The following ARK2C variants were observed in gnomAD, a reference collection of about 807,000 sequenced individuals.
ARK2C encodes the protein E3 ubiquitin-protein ligase ARK2C.
At chr18:46,444,093 G>A in the ARK2C span, among the ~76,000 whole-genome samples, 1 of 150,870 alleles carries the variant, frequency 6.6e-6, no homozygotes, top group South Asian at 2.1e-4. Context: ...CTTCTGGCTT[G>A]CTTTGTTGTT....
chr18:46,399,228 C>T, the ARK2C span, among the ~76,000 whole-genome samples: 10 of 152,266 alleles, frequency 6.6e-5, no homozygotes, highest in East Asian at 1.9e-4. Context: ...GTCACACAGG[C>T]GGTGGGGGTG....
chr18:46,334,254 GCCGC>G, the ARK2C span: 2 of 1,470,478 alleles, frequency 1.4e-6, no homozygotes, highest in Non-Finnish European at 9.0e-7. This position sits in a 1 kb window ranked among gnomAD's most constrained non-coding sequence, Gnocchi z 4.4. Context: ...CGCCGCCGCC[GCCGC>G]CGCGCGAGGA....
At chr18:46,348,630 T>A in the ARK2C span, among the ~76,000 whole-genome samples, 3 of 152,194 alleles carry the variant, frequency 2.0e-5, no homozygotes, top group African/African-American at 7.2e-5. Context: ...GGGGTGGGAC[T>A]GATCCTTGAA....
At chr18:46,355,624 T>A in the ARK2C span, among the ~76,000 whole-genome samples, 1 of 152,234 alleles carries the variant, frequency 6.6e-6, no homozygotes, top group African/African-American at 2.4e-5. Flanking sequence ...CCTCCAGGAA[T>A]GCTGGCCTCT....
At chr18:46,407,897 C>G in the ARK2C span, among the ~76,000 whole-genome samples, 4 of 152,204 alleles carry the variant, frequency 2.6e-5, no homozygotes, top group African/African-American at 9.7e-5. Flanking sequence ...TACTGAGAAG[C>G]ACAGAGATTG....
At chr18:46,378,149 A>C in the ARK2C span, among the ~76,000 whole-genome samples, 1 of 152,208 alleles carries the variant, frequency 6.6e-6, no homozygotes, top group South Asian at 2.1e-4. Context: ...TTAATGCTCC[A>C]AGGTACGTCC....
the ARK2C span, among the ~76,000 whole-genome samples, chr18:46,365,605 G>A: frequency 6.6e-6 from 1 of 152,190 alleles, no homozygotes. Flanking sequence ...CTGGTTTCAG[G>A]CGATTCTCAT....
chr18:46,444,638 A>ATTTTT, the ARK2C span, among the ~76,000 whole-genome samples: 1 of 139,222 alleles, frequency 7.2e-6, no homozygotes, highest in African/African-American at 2.6e-5. Flanking sequence ...TAATTTAAAC[A>ATTTTT]TTTTTTTTTT....
the ARK2C span, among the ~76,000 whole-genome samples, chr18:46,448,031 C>T: frequency 6.6e-6 from 1 of 150,818 alleles, no homozygotes; most frequent in African/African-American, 2.4e-5. Flanking sequence ...TCCATATGAC[C>T]TAGCTCCCCT....
At chr18:46,433,492 G>A in the ARK2C span, 1 of 1,607,860 alleles carries the variant, frequency 6.2e-7, no homozygotes, top group Non-Finnish European at 8.5e-7. Context: ...CCGCAGGCTG[G>A]TCTCGCACCC....
chr18:46,363,999 G>A, the ARK2C span, among the ~76,000 whole-genome samples: 1 of 142,630 alleles, frequency 7.0e-6, no homozygotes, highest in Non-Finnish European at 1.5e-5. Context: ...CCAGGCTAGA[G>A]TGCAGTGGTG....
At chr18:46,380,913 A>G in the ARK2C span, among the ~76,000 whole-genome samples, 1 of 152,204 alleles carries the variant, frequency 6.6e-6, no homozygotes, top group Non-Finnish European at 1.5e-5. Flanking sequence ...GGACAGAGGA[A>G]GGCTACACAG....
chr18:46,419,575 C>T, the ARK2C span, among the ~76,000 whole-genome samples: 24 of 152,174 alleles, frequency 1.6e-4, no homozygotes, highest in Admixed American at 3.9e-4. Flanking sequence ...CTGGAGTGAC[C>T]GGGTCAAAGG....
At chr18:46,368,398 G>C in the ARK2C span, among the ~76,000 whole-genome samples, 1 of 152,116 alleles carries the variant, frequency 6.6e-6, no homozygotes, top group South Asian at 2.1e-4. Context: ...GAACCACTGG[G>C]TGGGAAACGA....
the ARK2C span, among the ~76,000 whole-genome samples, chr18:46,427,166 G>C: frequency 6.3e-3 from 956 of 152,352 alleles, 24 homozygotes; most frequent in Admixed American, 0.056. Context: ...ATGGTGGAGG[G>C]AAGAAGCACA....
chr18:46,429,128 T>C, the ARK2C span, among the ~76,000 whole-genome samples: 1 of 152,206 alleles, frequency 6.6e-6, no homozygotes, highest in Non-Finnish European at 1.5e-5. Flanking sequence ...CCAGAATCTA[T>C]AAGGCAGAGA....
the ARK2C span, chr18:46,447,609 C>T: frequency 9.3e-6 from 15 of 1,613,918 alleles, no homozygotes; most frequent in East Asian, 2.2e-5. Flanking sequence ...GTTCCAGGTG[C>T]GGCCCATCCC....
At chr18:46,395,151 T>C in the ARK2C span, among the ~76,000 whole-genome samples, 1 of 152,350 alleles carries the variant, frequency 6.6e-6, no homozygotes, top group African/African-American at 2.4e-5. Flanking sequence ...GATTAAAAGA[T>C]GGAAGTTGAA....
the ARK2C span, among the ~76,000 whole-genome samples, chr18:46,378,242 C>T: frequency 3.9e-4 from 60 of 152,326 alleles, no homozygotes; most frequent in Non-Finnish European, 6.8e-4. Flanking sequence ...GGACCCTGCA[C>T]ATGCCCTTGC....
Sources: allele counts gnomAD v4.1 joint callset (sites outside exome capture counted in the v4.1 genomes callset), GRCh38; gene constraint gnomAD v4.1.1; non-coding constraint Gnocchi (gnomAD v3.1); transcripts MANE v1.5; gene names NCBI Gene and HGNC (gene_info 2026-07-23, HGNC 2026-07-21).